Variants in UPP2 observed in about 807,000 individuals in gnomAD.
UPP2 encodes the protein UPase 2.
UPP2 carries 23 observed loss-of-function variants against 26.7 expected under a neutral mutation model. The observed-to-expected ratio is 0.86, with a 90% CI of 0.62 to 1.22. The LOEUF (loss-of-function observed/expected upper bound fraction) is 1.22. UPP2 is among the 50% of genes most tolerant of loss of function. UPP2 has a pLI of 0.00. For synonymous variants in UPP2, 127 were observed against 141.3 expected (o/e 0.90, Z 0.72); for missense variants, 387 against 396.7 (o/e 0.98, Z 0.21).
chr2:158,093,393 T>A (rs1327244236), intron 3 of UPP2, among the ~76,000 whole-genome samples: 1 of 152,014 alleles, frequency 6.6e-6, no homozygotes, highest in African/African-American at 2.4e-5. Flanking sequence ...AAAAGACAAC[T>A]TTTTGAAAAT....
At chr2:158,132,582 A>G (rs1558943619) in intron 6 of UPP2, among the ~76,000 whole-genome samples, 1 of 152,240 alleles carries the variant, frequency 6.6e-6, no homozygotes, top group East Asian at 1.9e-4. Flanking sequence ...AGATACATGG[A>G]TTGGAGAAAT....
chr2:158,059,567 C>A lies in UPP2; in HGVS notation c.148-42473C>A, dbSNP rs547146823. ...ACCAAACTTAAGCACCTTGCTGGCA[C>A]AAAAAGAGGTCTTAATGACTTGACT... On this transcript the variant is annotated intron_variant, in intron 3 of 9. Transcript: ENST00000605860. Among the ~76,000 whole-genome samples, 3 of 152,244 alleles carry A rather than the reference C, an allele frequency of 2.0e-5. No individual in the cohort carries two copies. In the South Asian group the frequency reaches 6.2e-4, roughly 32 times the overall value.
intron 3 of UPP2, among the ~76,000 whole-genome samples, chr2:158,117,528 C>T (rs544910958): frequency 1.1e-4 from 16 of 152,000 alleles, no homozygotes; most frequent in African/African-American, 3.1e-4. Context: ...GAAATGGCAC[C>T]GCCCTGACAC....
intron 3 of UPP2, among the ~76,000 whole-genome samples, chr2:158,023,051 A>G (rs1683777173): frequency 1.3e-5 from 2 of 150,242 alleles, no homozygotes; most frequent in Non-Finnish European, 3.0e-5. Context: ...TCTTACAGGT[A>G]TCTCAGCACC....
At chr2:158,041,357 C>G (rs1411869255) in intron 3 of UPP2, among the ~76,000 whole-genome samples, 2 of 152,120 alleles carry the variant, frequency 1.3e-5, no homozygotes, top group East Asian at 3.8e-4. Flanking sequence ...TTTGGCTTAA[C>G]TTTGCTGGCA....
chr2:157,998,205 C>T (rs866624748), intron 2 of UPP2, among the ~76,000 whole-genome samples: 1 of 151,992 alleles, frequency 6.6e-6, no homozygotes, highest in Non-Finnish European at 1.5e-5. Flanking sequence ...CATGCCAGAG[C>T]TTCCTTGGCA....
At chr2:158,054,072 A>G (rs529889024) in intron 3 of UPP2, among the ~76,000 whole-genome samples, 8 of 152,260 alleles carry the variant, frequency 5.3e-5, no homozygotes, top group Non-Finnish European at 1.2e-4. Context: ...GGAGTTCAAG[A>G]CCAGCCTGCC....
chr2:158,017,048 A>C (rs902930837), intron 3 of UPP2, among the ~76,000 whole-genome samples: 6 of 152,202 alleles, frequency 3.9e-5, no homozygotes, highest in Admixed American at 3.9e-4. Flanking sequence ...TATTCTATGG[A>C]TATAATGTGC....
At chr2:158,027,174 T>C (rs1467896322) in intron 3 of UPP2, among the ~76,000 whole-genome samples, 1 of 152,166 alleles carries the variant, frequency 6.6e-6, no homozygotes, top group Non-Finnish European at 1.5e-5. Flanking sequence ...TCTTAACTCA[T>C]TTCAGCATTA....
intron 2 of UPP2, among the ~76,000 whole-genome samples, chr2:157,997,523 T>C (rs776293862): frequency 2.3e-4 from 35 of 152,228 alleles, no homozygotes; most frequent in Non-Finnish European, 4.3e-4. Flanking sequence ...GAATTTACTT[T>C]TGAGGACAGA....
rs571459981 is a variant in UPP2, at chr2:158,102,183, G to T, written c.62+58G>T. ...ATCAGATGGTTGCTCCTTGGATTTT[G>T]TATTAAATGATTAGATAATGGGCCT... On this transcript the variant is annotated intron_variant, in intron 1 of 6. Transcript: ENST00000005756. 2.6e-5 allele frequency: 41 copies of T among 1,583,296 alleles called. No individual in the cohort carries two copies. The African/African-American group carries it at 4.6e-4, about 18-fold the overall frequency.
rs529391648 is a variant in UPP2, at chr2:158,024,855, T to TA, written c.147+8978dup. Among the ~76,000 whole-genome samples the TA allele has an allele frequency of 6.3e-3, 952 of 151,584 alleles. 12 individuals carry two copies. Among genetic ancestry groups the TA allele is most frequent in the African/African-American group, 0.021 (883 of 41,372 alleles). ...GCAGGTGCAATCTGGTCATAAAAAATAAAAAAAAATTATCATCTGGTAAAT... is the reference window on the plus strand; with the variant it reads ...GCAGGTGCAATCTGGTCATAAAAAATAAAAAAAAAATTATCATCTGGTAAAT... On this transcript the variant is annotated intron_variant, in intron 3 of 9. Transcript: ENST00000605860.
At chr2:158,065,472 C>A in intron 3 of UPP2, 4 of 296,180 alleles carry the variant, frequency 1.4e-5, no homozygotes, top group Non-Finnish European at 2.7e-5. Context: ...ACTTCAGTTT[C>A]TTTGCATCAT....
intron 3 of UPP2, among the ~76,000 whole-genome samples, chr2:158,072,679 C>G (rs1354279864): frequency 1.3e-5 from 2 of 150,570 alleles, no homozygotes; most frequent in Non-Finnish European, 2.9e-5. Flanking sequence ...CAGACAGACT[C>G]CATTTATTTG....
At chr2:158,058,237 G>C (rs1682283432) in intron 3 of UPP2, among the ~76,000 whole-genome samples, 1 of 149,094 alleles carries the variant, frequency 6.7e-6, no homozygotes, top group African/African-American at 2.5e-5. Context: ...AGCTTGCAGT[G>C]AGCCGAGATT....
At chr2:158,077,151 GA>G (rs1348469546) in intron 3 of UPP2, among the ~76,000 whole-genome samples, 1 of 151,912 alleles carries the variant, frequency 6.6e-6, no homozygotes, top group African/African-American at 2.4e-5. Flanking sequence ...ATTGATGAAA[GA>G]AATTTAAGAG....
chr2:158,105,966 T>C (rs1389720022), intron 1 of UPP2, 133 bp from the exon 2 acceptor site: 3 of 669,716 alleles, frequency 4.5e-6, no homozygotes, highest in African/African-American at 1.8e-5. Flanking sequence ...ATATTAGCCA[T>C]AATTACTGTT....
At chr2:158,036,608 C>T (rs762821820) in intron 3 of UPP2, among the ~76,000 whole-genome samples, 2 of 152,178 alleles carry the variant, frequency 1.3e-5, no homozygotes, top group Non-Finnish European at 2.9e-5. Flanking sequence ...CGTTCATAAG[C>T]TGGTGTAAGT....
At chr2:158,064,376 T>C (rs1682401906) in intron 3 of UPP2, among the ~76,000 whole-genome samples, 1 of 152,186 alleles carries the variant, frequency 6.6e-6, no homozygotes, top group South Asian at 2.1e-4. Flanking sequence ...CATATGTTTG[T>C]TGGCCACATG....
Sources: allele counts gnomAD v4.1 joint callset (sites outside exome capture counted in the v4.1 genomes callset), GRCh38; gene constraint gnomAD v4.1.1; transcripts MANE v1.5; gene names NCBI Gene and HGNC (gene_info 2026-07-23, HGNC 2026-07-21).